UBE3A: variants seen among roughly 807,000 people sequenced by gnomAD.
The protein encoded by UBE3A is ubiquitin-protein ligase E3A.
Under a neutral mutation model 83.4 loss-of-function variants are expected in UBE3A, and 6 were observed. The observed-to-expected ratio is 0.07, with a 90% CI of 0.04 to 0.14. The LOEUF is 0.14. Among genes scored for constraint, UBE3A ranks in the 10% least tolerant of loss-of-function variants. The pLI, the probability that UBE3A is intolerant of heterozygous loss-of-function variation, is 1.00. For synonymous variants in UBE3A, 337 were observed against 355.4 expected (o/e 0.95, Z 0.58); for missense variants, 456 against 1,036.1 (o/e 0.44, Z 7.69).
chr15:25,355,922 A>G lies in UBE3A; in HGVS notation c.2094T>C (p.Asp698=), dbSNP rs781090400. 1 of 1,613,442 alleles carries G rather than the reference A, an allele frequency of 6.2e-7. No individual in the cohort carries two copies. The highest frequency in any genetic ancestry group is 8.5e-7 in the Non-Finnish European group (1 of 1,179,708). Residue 698 remains aspartate (D), a synonymous_variant, in exon 9 of 13, where the codon GAT becomes GAC. Coordinates refer to ENST00000648336, the MANE Select transcript of UBE3A (RefSeq NM_130839.5). ...TGTTTTCATTTGTAATTGGAATTTT[A>G]TCACCATTTTCCTTTAGATCATACA... ...PMMYDLKENG[D]KIPITNENRK... is the part of the protein sequence containing the mutation.
chr15:25,361,438 G>GT (rs1268685519), intron 6 of UBE3A, among the ~76,000 whole-genome samples: 1 of 151,978 alleles, frequency 6.6e-6, no homozygotes, highest in Non-Finnish European at 1.5e-5. Flanking sequence ...TTCTTAAATT[G>GT]TAAGTTAACA....
At chr15:25,435,079 T>A (rs1344573125) in intron 1 of UBE3A, among the ~76,000 whole-genome samples, 3 of 146,684 alleles carry the variant, frequency 2.0e-5, no homozygotes, top group African/African-American at 7.7e-5. Context: ...AGGAATGAAG[T>A]AATGCATGTG....
Position 25,370,909 on chromosome 15 carries a change from A to C in UBE3A, c.1265T>G (p.Val422Gly). Residue 422 changes from valine (V) to glycine (G), a missense_variant, in exon 6 of 13, where the codon GTG becomes GGG. Coordinates refer to ENST00000648336, the MANE Select transcript of UBE3A (RefSeq NM_130839.5). The surrounding 1 kb of genome is among the most constrained non-coding windows in gnomAD (Gnocchi z 4.2). ...EERRNKKGPR[V>G]DPLETELGVK... ...ACCAAGTTCAGTTTCCAGGGGGTCC[A>C]CTCGAGGACCTTTCTTGTTTCTTCT... 1 of 1,613,968 alleles carries C rather than the reference A, an allele frequency of 6.2e-7. No homozygotes were observed. The highest frequency in any genetic ancestry group is 8.5e-7 in the Non-Finnish European group (1 of 1,179,964).
intron 3 of UBE3A, among the ~76,000 whole-genome samples, chr15:25,406,716 GCACACA>G (rs1567102076): frequency 1.0e-4 from 13 of 124,718 alleles, no homozygotes; most frequent in African/African-American, 4.1e-4. Flanking sequence ...ACACACACAC[GCACACA>G]CACAAACCTG....
chr15:25,336,187 G>A lies in UBE3A; in HGVS notation c.*2950C>T, dbSNP rs2073952758. ...ACTGTTGAGGTAAAAGGAGACAAGT[G>A]AGGGAGCAAATGGAAGGTGTGTTTT... On this transcript the variant is annotated 3_prime_UTR_variant, in exon 13 of 13. Transcript: ENST00000648336. 1.3e-5 allele frequency: 2 copies of A among 152,220 alleles called. No homozygotes were observed. Among genetic ancestry groups the A allele is most frequent in the Non-Finnish European group, 1.5e-5 (1 of 68,060 alleles). The allele number at this position is 152,220 out of a possible 1,614,324, so 9.4% of individuals were successfully genotyped here.
intron 11 of UBE3A, among the ~76,000 whole-genome samples, chr15:25,341,523 G>A (rs2074795163): frequency 6.6e-6 from 1 of 151,688 alleles, no homozygotes; most frequent in South Asian, 2.1e-4. Flanking sequence ...CAGCACTTTG[G>A]GAGGCTGAGG....
At chr15:25,417,076 G>A (rs1312314241) in intron 1 of UBE3A, among the ~76,000 whole-genome samples, 3 of 152,098 alleles carry the variant, frequency 2.0e-5, no homozygotes, top group Admixed American at 6.6e-5. Flanking sequence ...AACTGTACAC[G>A]ATTAAGGTAA....
intron 1 of UBE3A, among the ~76,000 whole-genome samples, chr15:25,427,819 T>C (rs141487408): frequency 7.3e-5 from 9 of 123,762 alleles, no homozygotes; most frequent in Admixed American, 2.5e-4. Flanking sequence ...AAAAAAAAGG[T>C]GGGTGGGGTG....
At position 25,336,624 on chromosome 15, in the gene UBE3A, G is replaced by A. The variant is rs988613612; in HGVS notation, c.*2513C>T. ...AAAGTAGTTGTCTCAGGAAACCAGG[G>A]TTAGGATGACCAGCTCATTTGCTGG... On this transcript the variant is annotated 3_prime_UTR_variant, in exon 13 of 13. Transcript: ENST00000648336. The A allele has an allele frequency of 6.6e-6, 1 of 152,154 alleles. No homozygotes were observed. The highest frequency in any genetic ancestry group is 2.4e-5 in the African/African-American group (1 of 41,428). The allele number at this position is 152,154 out of a possible 1,614,324, so 9.4% of individuals were successfully genotyped here.
At chr15:25,345,176 C>A (rs987176699) in intron 11 of UBE3A, among the ~76,000 whole-genome samples, 3 of 152,072 alleles carry the variant, frequency 2.0e-5, no homozygotes, top group African/African-American at 7.2e-5. Context: ...CACTGCCAAC[C>A]CACTGGAAAG....
intron 11 of UBE3A, among the ~76,000 whole-genome samples, chr15:25,353,340 T>C (rs1204422662): frequency 6.6e-6 from 1 of 152,134 alleles, no homozygotes; most frequent in Non-Finnish European, 1.5e-5. Context: ...TAAAGTAACA[T>C]ACAGCCATCC....
chr15:25,420,134 C>A (rs1367207513), intron 1 of UBE3A, among the ~76,000 whole-genome samples: 1 of 151,868 alleles, frequency 6.6e-6, no homozygotes, highest in African/African-American at 2.4e-5. Context: ...CATTAAATGA[C>A]CAATAAGCTG....
rs769103004 is a variant in UBE3A at position 25,371,398 on chromosome 15, T to C, written c.776A>G (p.Tyr259Cys). The change falls in exon 6 of 13, where the codon TAT (tyrosine) becomes TGT (cysteine). Residue 259 changes from tyrosine (Y) to cysteine (C), a missense_variant. Coordinates refer to ENST00000648336, the MANE Select transcript of UBE3A (RefSeq NM_130839.5). This position sits in a 1 kb window ranked among gnomAD's most constrained non-coding sequence, Gnocchi z 5.3. ...GTCACATTCCACGTTAGGTGACAAA[T>C]ATACAAGTGCATTGAGAAAGGCAGT... ...IETAFLNALV[Y>C]LSPNVECDLT... The C allele has an allele frequency of 1.9e-6, 3 of 1,613,988 alleles. No homozygotes were observed. Among genetic ancestry groups the C allele is most frequent in the East Asian group, 2.2e-5 (1 of 44,886 alleles).
intron 6 of UBE3A, among the ~76,000 whole-genome samples, chr15:25,362,596 T>C (rs960514534): frequency 2.0e-5 from 3 of 152,204 alleles, no homozygotes; most frequent in African/African-American, 7.2e-5. Context: ...TATAGACTAG[T>C]TCCAAGATCT....
intron 4 of UBE3A, among the ~76,000 whole-genome samples, chr15:25,390,543 A>G (rs2084103708): frequency 6.6e-6 from 1 of 152,188 alleles, no homozygotes; most frequent in African/African-American, 2.4e-5. Context: ...AGGGCTATAT[A>G]CTGTATGATT....
intron 1 of UBE3A, among the ~76,000 whole-genome samples, chr15:25,436,280 T>G (rs1895056518): frequency 6.6e-6 from 1 of 152,230 alleles, no homozygotes; most frequent in Non-Finnish European, 1.5e-5. Flanking sequence ...GATCTAAAAA[T>G]TAGAAAACTA....
intron 4 of UBE3A, among the ~76,000 whole-genome samples, chr15:25,387,944 A>G (rs114666513): frequency 0.023 from 3,557 of 152,306 alleles, 148 homozygotes; most frequent in African/African-American, 0.08. Context: ...TAAAAAGCAT[A>G]TATTAAAGAA....
intron 1 of UBE3A, among the ~76,000 whole-genome samples, chr15:25,427,952 G>T (rs900676240): frequency 1.3e-5 from 2 of 152,046 alleles, no homozygotes; most frequent in African/African-American, 4.8e-5. Context: ...GATGGAACAA[G>T]AAGCCATTAT....
At chr15:25,415,849 G>GAAAAA (rs57736236) in intron 1 of UBE3A, 7 of 111,092 alleles carry the variant, frequency 6.3e-5, no homozygotes, top group East Asian at 5.5e-4. Flanking sequence ...CCCTCTACAA[G>GAAAAA]AAAAAAAAAA....
Sources: gnomAD v4.1 joint callset for allele counts (sites outside exome capture counted in the v4.1 genomes callset) on GRCh38, gnomAD v4.1.1 for gene constraint, Gnocchi (gnomAD v3.1) non-coding constraint, MANE v1.5 for transcripts, NCBI Gene and HGNC (gene_info 2026-07-23, HGNC 2026-07-21) for gene names.